The following DDX10 variants were observed in gnomAD, a reference collection of about 807,000 sequenced individuals.
DDX10 encodes DEAD-box helicase 10, also known as probable ATP-dependent RNA helicase DDX10.
A neutral mutation model predicts 104.3 loss-of-function variants in DDX10; 74 were observed. The observed-to-expected ratio is 0.71, with a 90% CI of 0.59 to 0.86. DDX10 has a LOEUF of 0.86. Among genes scored for constraint, DDX10 ranks in the 40% least tolerant of loss-of-function variants. DDX10 has a pLI of 0.00. For synonymous variants in DDX10, 351 were observed against 353.4 expected (o/e 0.99, Z 0.08); for missense variants, 952 against 1,040.0 (o/e 0.92, Z 1.16).
chr11:108,932,088 A>G (rs1863982539), intron 17 of DDX10, among the ~76,000 whole-genome samples: 1 of 151,896 alleles, frequency 6.6e-6, no homozygotes, highest in African/African-American at 2.4e-5. Flanking sequence ...GATAGTAATC[A>G]TTTTACACTT....
At chr11:108,825,677 A>G (rs1862386199) in intron 13 of DDX10, among the ~76,000 whole-genome samples, 1 of 152,220 alleles carries the variant, frequency 6.6e-6, no homozygotes, top group Admixed American at 6.5e-5. Context: ...CATAGTAAAT[A>G]GTTGTCATTG....
At chr11:108,843,867 ACTTT>A (rs1220248524) in intron 15 of DDX10, among the ~76,000 whole-genome samples, 6 of 152,076 alleles carry the variant, frequency 3.9e-5, no homozygotes, top group African/African-American at 1.2e-4. Context: ...ATGTCCTTTC[ACTTT>A]CTTTATGCAG....
At chr11:108,826,331 A>G (rs1862394991) in intron 13 of DDX10, among the ~76,000 whole-genome samples, 2 of 152,202 alleles carry the variant, frequency 1.3e-5, no homozygotes, top group Non-Finnish European at 2.9e-5. Flanking sequence ...TGTCATAGAG[A>G]CATAGTTCCG....
At chr11:108,926,915 A>G (rs1863916557) in intron 17 of DDX10, among the ~76,000 whole-genome samples, 1 of 152,220 alleles carries the variant, frequency 6.6e-6, no homozygotes, top group African/African-American at 2.4e-5. Context: ...CATTTATGAT[A>G]TGAATGCAAG....
intron 13 of DDX10, among the ~76,000 whole-genome samples, chr11:108,724,960 G>A (rs894753335): frequency 2.0e-5 from 3 of 152,114 alleles, no homozygotes; most frequent in Admixed American, 6.5e-5. Flanking sequence ...ATAGAACAGC[G>A]TCATCACCCC....
At chr11:108,817,195 C>T (rs968474212) in intron 13 of DDX10, among the ~76,000 whole-genome samples, 1 of 152,136 alleles carries the variant, frequency 6.6e-6, no homozygotes, top group Non-Finnish European at 1.5e-5. Context: ...TGTATTCTTT[C>T]TTTCATATTC....
intron 17 of DDX10, among the ~76,000 whole-genome samples, chr11:108,926,641 T>C (rs1467155954): frequency 6.6e-6 from 1 of 152,220 alleles, no homozygotes; most frequent in African/African-American, 2.4e-5. Flanking sequence ...ACATTTTCAC[T>C]ACCGATTCTA....
chr11:108,838,893 A>G (rs1275918896), intron 14 of DDX10, among the ~76,000 whole-genome samples: 1 of 152,198 alleles, frequency 6.6e-6, no homozygotes, highest in Non-Finnish European at 1.5e-5. Flanking sequence ...TAATACATCT[A>G]CTTGCCACAG....
intron 16 of DDX10, among the ~76,000 whole-genome samples, chr11:108,853,237 C>A (rs564529569): frequency 4.1e-4 from 62 of 152,192 alleles, no homozygotes; most frequent in African/African-American, 1.4e-3. Flanking sequence ...CGTGAAACAC[C>A]ATGGCAGAAC....
chr11:108,857,485 A>G (rs780620505), intron 16 of DDX10, among the ~76,000 whole-genome samples: 4 of 152,140 alleles, frequency 2.6e-5, no homozygotes, highest in Non-Finnish European at 4.4e-5. Flanking sequence ...AGCACCGCCA[A>G]TAATTACAGT....
chr11:108,910,781 G>GTGTGTGTGTGTC (rs1863663898), intron 16 of DDX10, among the ~76,000 whole-genome samples: 8 of 130,702 alleles, frequency 6.1e-5, no homozygotes, highest in Admixed American at 3.8e-4. Flanking sequence ...GTGTGTGTGT[G>GTGTGTGTGTGTC]TGTGTGTGTC....
intron 13 of DDX10, among the ~76,000 whole-genome samples, chr11:108,790,502 G>A (rs1861856314): frequency 6.6e-6 from 1 of 152,172 alleles, no homozygotes; most frequent in Non-Finnish European, 1.5e-5. Flanking sequence ...TTCACAAATT[G>A]TATCAAATAT....
At chr11:108,683,321 A>G (rs1364489555) in intron 6 of DDX10, among the ~76,000 whole-genome samples, 1 of 152,166 alleles carries the variant, frequency 6.6e-6, no homozygotes, top group Non-Finnish European at 1.5e-5. Context: ...GGTAAATTGT[A>G]TGAAAAATTT....
chr11:108,808,143 G>C (rs1033997940), intron 13 of DDX10, among the ~76,000 whole-genome samples: 3 of 152,116 alleles, frequency 2.0e-5, no homozygotes, highest in African/African-American at 7.2e-5. Flanking sequence ...TTTACAAAAC[G>C]CTTAGTTAAA....
At chr11:108,820,309 A>G (rs558809643) in intron 13 of DDX10, among the ~76,000 whole-genome samples, 65 of 152,330 alleles carry the variant, frequency 4.3e-4, no homozygotes, top group Non-Finnish European at 7.5e-4. Context: ...AAATTCCACA[A>G]TGACATATGG....
At chr11:108,917,843 A>C in intron 16 of DDX10, 30 bp from the exon 17 acceptor site, 2 of 1,604,742 alleles carry the variant, frequency 1.2e-6, no homozygotes. Context: ...GACTTCTTCA[A>C]CTGCAGTTTC....
At chr11:108,874,234 A>G (rs150616027) in intron 16 of DDX10, among the ~76,000 whole-genome samples, 3 of 152,286 alleles carry the variant, frequency 2.0e-5, no homozygotes, top group Non-Finnish European at 4.4e-5. Context: ...ATTTTTTTTG[A>G]AAAGTTGCTT....
chr11:108,752,596 T>C (rs552563700), intron 13 of DDX10, among the ~76,000 whole-genome samples: 2 of 152,288 alleles, frequency 1.3e-5, no homozygotes, highest in Non-Finnish European at 2.9e-5. Flanking sequence ...ATGAATGTCA[T>C]GAATCAGTTG....
intron 13 of DDX10, among the ~76,000 whole-genome samples, chr11:108,769,674 C>T (rs1038691543): frequency 1.3e-5 from 2 of 152,038 alleles, no homozygotes; most frequent in South Asian, 2.1e-4. Flanking sequence ...TGCTTCCCAC[C>T]GTGGGAATTT....
Sources: allele counts gnomAD v4.1 joint callset (sites outside exome capture counted in the v4.1 genomes callset), GRCh38; gene constraint gnomAD v4.1.1; transcripts MANE v1.5; gene names NCBI Gene and HGNC (gene_info 2026-07-23, HGNC 2026-07-21).